The following VCP variants were observed in gnomAD, a reference collection of about 807,000 sequenced individuals.
The protein encoded by VCP is valosin containing protein.
Under a neutral mutation model 85.7 loss-of-function variants are expected in VCP, and 6 were observed. The ratio of observed to expected loss-of-function variants is 0.07; its 90% CI spans 0.04 to 0.14. VCP has a LOEUF of 0.14. VCP is among the 10% of genes least tolerant of loss of function. The pLI is 1.00. For synonymous variants in VCP, 384 were observed against 367.1 expected, an observed-to-expected ratio of 1.05 and a Z score of -0.53; for missense variants, 353 against 1,043.4, an observed-to-expected ratio of 0.34 and a Z score of 9.12.
At position 35,066,965 on chromosome 9, in the gene VCP, G is replaced by A. The variant is rs1587129157; in HGVS notation, c.303-148C>T. Reference sequence around the variant, plus strand: ...GCGAAGAGAGGAAGGAGAACAGGGTGGAAGTGAGGGCGAAGGAACAGCCCC... The same window carrying A: ...GCGAAGAGAGGAAGGAGAACAGGGTAGAAGTGAGGGCGAAGGAACAGCCCC... On this transcript the variant is annotated intron_variant, in intron 3 of 16. Coordinates refer to ENST00000358901, the MANE Select transcript of VCP (RefSeq NM_007126.5). The A allele has an allele frequency of 1.3e-5, 17 of 1,293,916 alleles. No individual in the cohort carries two copies. The East Asian group carries it at 3.7e-4, about 28-fold the overall frequency. The allele number at this position is 1,293,916 out of a possible 1,614,324, so 80.2% of individuals were successfully genotyped here. A position where few individuals can be genotyped will look rare whatever the true frequency, so the allele number is the denominator to read the frequency against.
chr9:35,066,859 G>C, intron 3 of VCP, 42 bp from the exon 4 acceptor site: 1 of 1,613,362 alleles, frequency 6.2e-7, no homozygotes, highest in Non-Finnish European at 8.5e-7. Flanking sequence ...ACCACACTTC[G>C]GGCCCAAGCA....
Position 35,064,163 on chromosome 9 carries a change from A to G in VCP, c.699T>C (p.Ile233=). ...PLRHPALFKA[I]GVKPPRGILL... is the part of the protein sequence containing the mutation. ...AGCCCAGGATGCTCACCTTCACACC[A>G]ATTGCCTTAAAGAGGGCAGGATGTC... The change falls in exon 6 of 17, where the codon ATT becomes ATC. Residue 233 remains isoleucine (I), a synonymous_variant. Transcript: ENST00000358901. 2.5e-6 allele frequency: 4 copies of G among 1,614,152 alleles called. No homozygotes were observed. Among genetic ancestry groups the G allele is most frequent in the Non-Finnish European group, 3.4e-6 (4 of 1,180,022 alleles).
Position 35,057,157 on chromosome 9 carries a change from C to T in VCP, c.2381G>A (p.Ser794Asn). Residue 794 changes from serine (S) to asparagine (N), a missense_variant, in exon 17 of 17, where the codon AGT becomes AAT. Ser to Asn is a conservative substitution (Grantham distance 46, BLOSUM62 1). Coordinates refer to ENST00000358901, the MANE Select transcript of VCP (RefSeq NM_007126.5). ...SQGSGGGTGG[S>N]VYTEDNDDDL... ...ATCATCATTGTCTTCTGTGTATACA[C>T]TGCCACCTGTGCCGCCTCCACTGCC... The T allele has an allele frequency of 6.2e-7, 1 of 1,614,242 alleles. No individual in the cohort carries two copies. The highest frequency in any genetic ancestry group is 1.1e-5 in the South Asian group (1 of 91,086).
intron 1 of VCP, chr9:35,071,960 T>C (rs1169242424): frequency 1.9e-6 from 2 of 1,063,432 alleles, no homozygotes; most frequent in South Asian, 3.0e-5. Flanking sequence ...CGGCGGGTGG[T>C]AGGCCGGACG....
chr9:35,072,155 C>A, intron 1 of VCP, 182 bp downstream of exon 1: 1 of 1,399,436 alleles, frequency 7.1e-7, no homozygotes, highest in South Asian at 1.5e-5. Context: ...CGCGCGGGTG[C>A]GCAGCTGGCC....
Position 35,059,529 on chromosome 9 carries a change from G to T in VCP, c.1968C>A (p.Ile656=), listed in dbSNP as rs1225852636. 6.2e-7 allele frequency: 1 copy of T among 1,614,052 alleles called. No homozygotes were observed. Among genetic ancestry groups the T allele is most frequent in the African/African-American group, 1.3e-5 (1 of 74,918 alleles). ...PLPDEKSRVA[I]LKANLRKSPV... ...GGGACTTGCGCAGGTTAGCCTTGAG[G>T]ATGGCAACACGGGACTTCTCATCAG... Residue 656 remains isoleucine (I), a synonymous_variant, in exon 14 of 17, where the codon ATC becomes ATA. Transcript: ENST00000358901. This position sits in a 1 kb window ranked among gnomAD's most constrained non-coding sequence, Gnocchi z 4.9.
chr9:35,071,841 T>C, intron 1 of VCP: 1 of 988,992 alleles, frequency 1.0e-6, no homozygotes, highest in Non-Finnish European at 1.2e-6. Context: ...GGGCTCCGCC[T>C]CGGTGGCAGA....
Position 35,072,243 on chromosome 9 carries a change from T to C in VCP, c.17+94A>G, listed in dbSNP as rs1319432244. The C allele has an allele frequency of 4.8e-6, 7 of 1,466,082 alleles. No homozygotes were observed. The Admixed American group carries it at 6.6e-5, about 14-fold the overall frequency. The allele number at this position is 1,466,082 out of a possible 1,614,324, so 90.8% of individuals were successfully genotyped here. A position where few individuals can be genotyped will look rare whatever the true frequency, so the allele number is the denominator to read the frequency against. On this transcript the variant is annotated intron_variant, in intron 1 of 16. Coordinates refer to ENST00000358901, the MANE Select transcript of VCP (RefSeq NM_007126.5). Reference sequence around the variant, plus strand: ...CCCTCTTTCCTGGTCTCCACCTCTCTGACGCGCCCACGGCCAGGCCCCGCC... The same window carrying C: ...CCCTCTTTCCTGGTCTCCACCTCTCCGACGCGCCCACGGCCAGGCCCCGCC...
chr9:35,072,314 G>A, intron 1 of VCP, 23 bp downstream of exon 1: 5 of 1,483,934 alleles, frequency 3.4e-6, no homozygotes, highest in Non-Finnish European at 4.4e-6. Flanking sequence ...GCCGCAGCAA[G>A]CGAACGGCGC....
chr9:35,069,991 G>A (rs879716079), intron 1 of VCP, among the ~76,000 whole-genome samples: 1 of 152,186 alleles, frequency 6.6e-6, no homozygotes, highest in Non-Finnish European at 1.5e-5. Context: ...CTCACAATTT[G>A]CAAGAGACAA....
At chr9:35,066,942 G>T in intron 3 of VCP, 125 bp from the exon 4 acceptor site, 1 of 1,459,750 alleles carries the variant, frequency 6.9e-7, no homozygotes, top group Admixed American at 1.7e-5. Flanking sequence ...GGCTTTAGGC[G>T]AAGAGAGGAA....
Position 35,060,712 on chromosome 9 carries a change from C to A in VCP, c.1482+89G>T, listed in dbSNP as rs183508541. 3.7e-3 allele frequency: 5,923 copies of A among 1,610,204 alleles called. 40 individuals are homozygous for A. Among genetic ancestry groups the A allele is most frequent in the South Asian group, 0.014 (1,311 of 90,660 alleles). ...GTTCCTAAGTCGTGCTCTCACAACT[C>A]TTGCAGCAAATGTGTTGACACCCTG... is the stretch of plus-strand genomic sequence containing the variant. On this transcript the variant is annotated intron_variant, in intron 12 of 16. Transcript: ENST00000358901.
At chr9:35,069,602 G>A (rs1587132185) in intron 1 of VCP, among the ~76,000 whole-genome samples, 4 of 152,014 alleles carry the variant, frequency 2.6e-5, no homozygotes, top group African/African-American at 7.2e-5. Context: ...ACAGGCATGC[G>A]CCACCACACC....
In VCP at chr9:35,062,220, C is replaced by T. The variant is rs1370120676; in HGVS notation, c.942G>A (p.Glu314=). Residue 314 remains glutamate (E), a synonymous_variant, in exon 8 of 17, where the codon GAG becomes GAA. Coordinates refer to ENST00000358901, the MANE Select transcript of VCP (RefSeq NM_007126.5). ...ATCCCCTCAGGTAAGCTCCTACTTT[C>T]TCTCTTTTGGGAGCGATGGCATCTA... ...DELDAIAPKR[E]KTHGEVERRI... is the part of the protein sequence containing the mutation. The T allele has an allele frequency of 6.2e-7, 1 of 1,614,160 alleles. No individual in the cohort carries two copies. The highest frequency in any genetic ancestry group is 1.3e-5 in the African/African-American group (1 of 75,038).
intron 3 of VCP, 117 bp from the exon 4 acceptor site, chr9:35,066,934 C>T: frequency 3.3e-6 from 5 of 1,530,856 alleles, no homozygotes; most frequent in East Asian, 2.3e-5. Flanking sequence ...GGCAGGATGG[C>T]TTTAGGCGAA....
intron 15 of VCP, among the ~76,000 whole-genome samples, chr9:35,058,598 T>TA (rs552322517): frequency 3.4e-4 from 50 of 148,948 alleles, no homozygotes; most frequent in South Asian, 8.5e-4. Flanking sequence ...ACGTTTCTAC[T>TA]AAAAAAAAAA....
intron 12 of VCP, 28 bp from the exon 13 acceptor site, chr9:35,060,553 G>A (rs1318734676): frequency 3.7e-6 from 6 of 1,608,344 alleles, no homozygotes; most frequent in African/African-American, 1.3e-5. Flanking sequence ...GAGGGTTCAA[G>A]GCTACCTCCA....
At position 35,064,085 on chromosome 9, in the gene VCP, A is replaced by G. The variant is rs865822840; in HGVS notation, c.708+69T>C. On this transcript the variant is annotated intron_variant, in intron 6 of 16. Transcript: ENST00000358901. ...AGCCATGCATGAAAACAGTCCCAGG[A>G]TTAGACATTGGGACAGGATTAGACA... 103 of 1,608,078 alleles carry G rather than the reference A, an allele frequency of 6.4e-5. 2 individuals carry two copies. The South Asian group carries it at 1.0e-3, about 16-fold the overall frequency.
chr9:35,072,009 C>A, intron 1 of VCP: 2 of 1,133,186 alleles, frequency 1.8e-6, no homozygotes. Flanking sequence ...GCCGCGCCGG[C>A]GGAGTGGGCC....
Sources: allele counts gnomAD v4.1 joint callset (sites outside exome capture counted in the v4.1 genomes callset), GRCh38; gene constraint gnomAD v4.1.1; non-coding constraint Gnocchi (gnomAD v3.1); transcripts MANE v1.5; gene names NCBI Gene and HGNC (gene_info 2026-07-23, HGNC 2026-07-21).